The following NTM variants were observed in gnomAD, a reference collection of about 807,000 sequenced individuals.
The protein encoded by NTM is IgLON family member 2.
A neutral mutation model predicts 42.1 loss-of-function variants in NTM; 13 were observed. That is an observed-to-expected ratio of 0.31 (90% CI 0.20 to 0.49). The LOEUF is 0.49. NTM is among the 20% of genes least tolerant of loss of function. The probability of loss-of-function intolerance (pLI) is 0.99; values close to 1 mark genes in which losing one functional copy is unlikely to be tolerated. For synonymous variants in NTM, 187 were observed against 179.2 expected, an observed-to-expected ratio of 1.04 and a Z score of -0.35; for missense variants, 373 against 452.8, an observed-to-expected ratio of 0.82 and a Z score of 1.60.
At chr11:132,264,389 A>G (rs1015980276) in intron 4 of NTM, among the ~76,000 whole-genome samples, 3 of 152,224 alleles carry the variant, frequency 2.0e-5, no homozygotes, top group Non-Finnish European at 4.4e-5. Context: ...CAGTGTATAC[A>G]TTATGGACGT....
intron 7 of NTM, among the ~76,000 whole-genome samples, chr11:132,327,681 T>C (rs969737088): frequency 4.6e-5 from 7 of 152,114 alleles, no homozygotes; most frequent in Admixed American, 2.6e-4. Flanking sequence ...GGCAAAAATA[T>C]AACTTTCTGG....
chr11:132,210,590 C>T (rs2082676418), intron 3 of NTM, among the ~76,000 whole-genome samples: 1 of 152,180 alleles, frequency 6.6e-6, no homozygotes, highest in Non-Finnish European at 1.5e-5. Flanking sequence ...TTTACTCCAT[C>T]CACTTGAATG....
chr11:132,322,982 GAGA>G (rs1555098340), intron 7 of NTM, among the ~76,000 whole-genome samples: 1 of 138,456 alleles, frequency 7.2e-6, no homozygotes, highest in Non-Finnish European at 1.6e-5. Flanking sequence ...TGAAACCAAT[GAGA>G]ACAAAGACAC....
chr11:132,256,714 C>T (rs527251970), intron 4 of NTM, among the ~76,000 whole-genome samples: 23 of 151,342 alleles, frequency 1.5e-4, no homozygotes, highest in Non-Finnish European at 2.9e-4. Flanking sequence ...GTGGCATAAA[C>T]GGCACATGAG....
intron 1 of NTM, among the ~76,000 whole-genome samples, chr11:131,695,022 G>A (rs1335128200): frequency 1.3e-5 from 2 of 152,186 alleles, no homozygotes; most frequent in African/African-American, 2.4e-5. Context: ...GTGTTGGACG[G>A]GCTGGGAGGA....
intron 3 of NTM, among the ~76,000 whole-genome samples, chr11:132,193,154 T>C (rs2079584610): frequency 1.3e-5 from 2 of 152,146 alleles, no homozygotes; most frequent in African/African-American, 2.4e-5. Flanking sequence ...TTGAATTTAA[T>C]TGACATCTAC....
At chr11:132,193,102 A>G (rs748836083) in intron 3 of NTM, among the ~76,000 whole-genome samples, 3 of 152,338 alleles carry the variant, frequency 2.0e-5, no homozygotes, top group Admixed American at 1.3e-4. Flanking sequence ...ATTGAGGCAG[A>G]TATCTAACAA....
intron 1 of NTM, among the ~76,000 whole-genome samples, chr11:131,738,265 G>A (rs2080742707): frequency 1.3e-5 from 2 of 152,234 alleles, no homozygotes; most frequent in African/African-American, 4.8e-5. Flanking sequence ...GTGTGGGGGT[G>A]AATGGCGGTG....
chr11:131,581,343 C>A (rs537320877), intron 1 of NTM, among the ~76,000 whole-genome samples: 1 of 152,124 alleles, frequency 6.6e-6, no homozygotes, highest in South Asian at 2.1e-4. Flanking sequence ...GAAGATTGAG[C>A]GGTAACAGAG....
chr11:131,599,494 G>A (rs1470618262), intron 1 of NTM, among the ~76,000 whole-genome samples: 3 of 152,222 alleles, frequency 2.0e-5, no homozygotes, highest in Non-Finnish European at 2.9e-5. Flanking sequence ...CTGCCACATC[G>A]ATCTCAGCAC....
At chr11:132,222,767 C>T (rs1466928037) in intron 4 of NTM, among the ~76,000 whole-genome samples, 1 of 152,198 alleles carries the variant, frequency 6.6e-6, no homozygotes, top group African/African-American at 2.4e-5. Context: ...ACCCCCCACG[C>T]ACCCCACCCT....
chr11:131,621,821 CAAAGA>C (rs1674273384), intron 1 of NTM, among the ~76,000 whole-genome samples: 1 of 34,106 alleles, frequency 2.9e-5, no homozygotes, highest in Non-Finnish European at 5.4e-5. Context: ...GACCTCAACT[CAAAGA>C]AAAAAAAAAA....
chr11:132,093,293 A>G (rs75995689), intron 2 of NTM, among the ~76,000 whole-genome samples: 19,119 of 152,160 alleles, frequency 0.13, 1,462 homozygotes, highest in South Asian at 0.2. Flanking sequence ...ACCTTTGCAC[A>G]TGCTGTTTCC....
At chr11:132,333,078 G>A (rs554574709) in intron 8 of NTM, among the ~76,000 whole-genome samples, 14 of 152,270 alleles carry the variant, frequency 9.2e-5, no homozygotes, top group African/African-American at 3.4e-4. Flanking sequence ...GTCCCCTGCC[G>A]GGAGTTAAGG....
At chr11:131,386,254 G>T (rs1458858176) in intron 1 of NTM, among the ~76,000 whole-genome samples, 1 of 152,210 alleles carries the variant, frequency 6.6e-6, no homozygotes, top group Non-Finnish European at 1.5e-5. Context: ...CTTTCACGAA[G>T]TACCTAGGGT....
intron 2 of NTM, among the ~76,000 whole-genome samples, chr11:132,051,995 G>A (rs940315140): frequency 3.9e-5 from 6 of 152,162 alleles, no homozygotes; most frequent in African/African-American, 1.4e-4. Flanking sequence ...GTCAGAGACA[G>A]GTGGGAGGCA....
chr11:132,254,882 G>A (rs2092342160), intron 4 of NTM, among the ~76,000 whole-genome samples: 1 of 152,184 alleles, frequency 6.6e-6, no homozygotes, highest in Non-Finnish European at 1.5e-5. Context: ...GCTGTTCTGT[G>A]TATGATGGGA....
At chr11:131,800,772 C>A (rs2092038540) in intron 1 of NTM, among the ~76,000 whole-genome samples, 1 of 152,152 alleles carries the variant, frequency 6.6e-6, no homozygotes, top group Non-Finnish European at 1.5e-5. Context: ...AATTTTCCTG[C>A]AGACATCACA....
At chr11:131,442,778 C>T (rs185968805) in intron 1 of NTM, among the ~76,000 whole-genome samples, 22 of 151,690 alleles carry the variant, frequency 1.5e-4, no homozygotes, top group African/African-American at 4.8e-4. Context: ...TATAGTATTC[C>T]GTTATATATA....
Sources: gnomAD v4.1 joint callset for allele counts (sites outside exome capture counted in the v4.1 genomes callset) on GRCh38, gnomAD v4.1.1 for gene constraint, MANE v1.5 for transcripts, NCBI Gene and HGNC (gene_info 2026-07-23, HGNC 2026-07-21) for gene names.